NAV2: variants seen among roughly 807,000 people sequenced by gnomAD.
The protein encoded by NAV2 is helicase, APC down-regulated 1.
In NAV2, 54 loss-of-function variants were observed where a neutral mutation model predicts 223.2. The observed-to-expected ratio is 0.24, with a 90% CI of 0.19 to 0.30. The LOEUF (loss-of-function observed/expected upper bound fraction) is 0.30. NAV2 is among the 10% of genes least tolerant of loss of function. The pLI is 1.00. For missense variants in NAV2, 2,806 were observed against 3,147.5 expected (o/e 0.89, Z 2.60); for synonymous variants, 1,279 against 1,239.3 (o/e 1.03, Z -0.67).
chr11:20,085,699 C>G (rs564007270), intron 26 of NAV2, among the ~76,000 whole-genome samples: 1 of 152,370 alleles, frequency 6.6e-6, no homozygotes, highest in East Asian at 1.9e-4. Flanking sequence ...GTGGCCTGCC[C>G]TCTAGTGATG....
At chr11:19,831,226 G>GA (rs1299847050) in intron 1 of NAV2, among the ~76,000 whole-genome samples, 3 of 83,348 alleles carry the variant, frequency 3.6e-5, no homozygotes, top group East Asian at 2.7e-4. Flanking sequence ...AGTGTTGCGG[G>GA]GGGGGGGGGG....
At chr11:20,113,547 A>G (rs1208115494) in intron 36 of NAV2, among the ~76,000 whole-genome samples, 3 of 152,228 alleles carry the variant, frequency 2.0e-5, no homozygotes, top group African/African-American at 7.2e-5. Flanking sequence ...CTGTTTTAAG[A>G]GCCAATTAGC....
chr11:19,397,884 G>A (rs1022689589), intron 1 of NAV2, among the ~76,000 whole-genome samples: 2 of 152,118 alleles, frequency 1.3e-5, no homozygotes, highest in Non-Finnish European at 2.9e-5. Flanking sequence ...GCTGCAGTAG[G>A]GGAGGGGAAA....
intron 1 of NAV2, among the ~76,000 whole-genome samples, chr11:19,441,283 G>A (rs1006481799): frequency 1.3e-5 from 2 of 152,166 alleles, no homozygotes; most frequent in Non-Finnish European, 2.9e-5. Context: ...CCCCTACAAG[G>A]TCTCTCAGCC....
At chr11:19,852,475 G>A (rs1341451353) in intron 3 of NAV2, among the ~76,000 whole-genome samples, 1 of 152,148 alleles carries the variant, frequency 6.6e-6, no homozygotes, top group Non-Finnish European at 1.5e-5. Flanking sequence ...TCCACATTGT[G>A]GGCCGATATA....
At chr11:19,556,783 G>T (rs2044907759) in intron 1 of NAV2, among the ~76,000 whole-genome samples, 3 of 152,154 alleles carry the variant, frequency 2.0e-5, no homozygotes, top group Admixed American at 1.3e-4. Flanking sequence ...CTAAGTTTCT[G>T]TCAGTGACAA....
Position 20,116,389 on chromosome 11 carries a change from G to C in NAV2, c.7164+1594G>C, listed in dbSNP as rs192351101. On this transcript the variant is annotated intron_variant, in intron 37 of 37. Transcript: ENST00000349880. ...TATTTTTTAAGGATTTATTATTTGTGTTGCCATGTACAACCTAGTTTGCAA... is the reference window on the plus strand; with the variant it reads ...TATTTTTTAAGGATTTATTATTTGTCTTGCCATGTACAACCTAGTTTGCAA... Among the ~76,000 whole-genome samples the C allele has an allele frequency of 2.1e-3, 327 of 152,298 alleles. 2 individuals carry two copies. The highest frequency in any genetic ancestry group is 4.6e-3 in the Admixed American group (70 of 15,302).
upstream of NAV2, among the ~76,000 whole-genome samples, chr11:19,348,118 G>C (rs1853101099): frequency 6.6e-6 from 1 of 152,196 alleles, no homozygotes; most frequent in African/African-American, 2.4e-5. Flanking sequence ...TCTGTGGCGA[G>C]AGCGTCTGTC....
intron 1 of NAV2, among the ~76,000 whole-genome samples, chr11:19,417,808 A>G (rs555236712): frequency 1.1e-4 from 17 of 152,340 alleles, no homozygotes; most frequent in African/African-American, 4.1e-4. Flanking sequence ...GGATGAGTTC[A>G]TGTCCTTTTC....
chr11:19,672,145 A>G (rs1235736367), intron 1 of NAV2, among the ~76,000 whole-genome samples: 4 of 152,182 alleles, frequency 2.6e-5, no homozygotes, highest in Admixed American at 6.5e-5. Flanking sequence ...CCAGCACTAC[A>G]TCTCCTGGGA....
chr11:19,633,125 A>G (rs2047391439), intron 1 of NAV2, among the ~76,000 whole-genome samples: 1 of 151,994 alleles, frequency 6.6e-6, no homozygotes, highest in African/African-American at 2.4e-5. Context: ...GAAGACAGCG[A>G]CCACTGAGAT....
In NAV2 at chr11:19,935,851, G is replaced by GTTTTTTTTTTTTTTTTTTTTTTTTTTTTT. The variant is rs765632685; in HGVS notation, c.2033+1598_2033+1599insTTTTTTTTTTTTTTTTTTTTTTTTTTTTT. Among the ~76,000 whole-genome samples, 6 of 52,704 alleles carry GTTTTTTTTTTTTTTTTTTTTTTTTTTTTT rather than the reference G, an allele frequency of 1.1e-4. 1 individual carries two copies. Among genetic ancestry groups the GTTTTTTTTTTTTTTTTTTTTTTTTTTTTT allele is most frequent in the East Asian group, 7.8e-4 (1 of 1,286 alleles). The allele number at this position is 52,704 out of a possible 152,430, so 34.6% of individuals were successfully genotyped here. On this transcript the variant is annotated intron_variant, in intron 7 of 37. Coordinates refer to ENST00000349880, the MANE Select transcript of NAV2 (RefSeq NM_145117.5). ...ACGGCTTTTGTTTTGTTTTGTTTCT[G>GTTTTTTTTTTTTTTTTTTTTTTTTTTTTT]TTTTTTTTTTTTTTTTTTTTTTTTG...
In NAV2 at chr11:19,681,134, G is replaced by C. The variant is rs565045482; in HGVS notation, c.76-151350G>C. Among the ~76,000 whole-genome samples the C allele has an allele frequency of 4.6e-5, 7 of 152,322 alleles. No individual in the cohort carries two copies. The South Asian group carries it at 8.3e-4, about 18-fold the overall frequency. ...AACTAACTTACTAATGAGAGACAGA[G>C]CCAGGGGTTGAACTGAAATGATCTA... On this transcript the variant is annotated intron_variant, in intron 1 of 37. Coordinates refer to the NAV2 transcript ENST00000360655.
chr11:19,975,708 A>G (rs2049661552), intron 10 of NAV2, among the ~76,000 whole-genome samples: 1 of 152,194 alleles, frequency 6.6e-6, no homozygotes, highest in African/African-American at 2.4e-5. Flanking sequence ...GCCATGAGCC[A>G]CTGCGGAATT....
intron 1 of NAV2, among the ~76,000 whole-genome samples, chr11:19,532,920 G>A (rs1486034894): frequency 1.3e-5 from 2 of 152,090 alleles, no homozygotes; most frequent in East Asian, 1.9e-4. Context: ...GGAGTGTAGA[G>A]GTAACTCATC....
intron 1 of NAV2, among the ~76,000 whole-genome samples, chr11:19,536,551 TAA>T (rs2044195218): frequency 6.6e-6 from 1 of 152,208 alleles, no homozygotes; most frequent in Non-Finnish European, 1.5e-5. Flanking sequence ...CAATACCCAT[TAA>T]AGTTTGGAAA....
chr11:19,621,153 G>A (rs1055813025), intron 1 of NAV2, among the ~76,000 whole-genome samples: 1 of 152,160 alleles, frequency 6.6e-6, no homozygotes, highest in African/African-American at 2.4e-5. Flanking sequence ...TGCTGCTGGA[G>A]TCAGTTTGCC....
chr11:19,352,208 T>C (rs1190641461), intron 1 of NAV2, among the ~76,000 whole-genome samples: 2 of 152,216 alleles, frequency 1.3e-5, no homozygotes, highest in South Asian at 2.1e-4. Flanking sequence ...ATTTATTAAG[T>C]GTATAACCTA....
chr11:19,620,203 A>G (rs2046943448), intron 1 of NAV2, among the ~76,000 whole-genome samples: 1 of 152,144 alleles, frequency 6.6e-6, no homozygotes, highest in African/African-American at 2.4e-5. Context: ...TGATGCCTCC[A>G]GCTTTGTTCT....
Sources: gnomAD v4.1 joint callset for allele counts (sites outside exome capture counted in the v4.1 genomes callset) on GRCh38, gnomAD v4.1.1 for gene constraint, MANE v1.5 for transcripts, NCBI Gene and HGNC (gene_info 2026-07-23, HGNC 2026-07-21) for gene names.